The following SYN3 variants were observed in gnomAD, a reference collection of about 807,000 sequenced individuals.
SYN3 encodes synapsin III, also known as synapsin-3.
A neutral mutation model predicts 65.8 loss-of-function variants in SYN3; 35 were observed. The observed-to-expected ratio is 0.53, with a 90% CI of 0.41 to 0.70. The LOEUF (loss-of-function observed/expected upper bound fraction) is 0.70, where lower values mean the gene tolerates loss of function less well. Among genes scored for constraint, SYN3 ranks in the 30% least tolerant of loss-of-function variants. The pLI is 0.00. For synonymous variants in SYN3, 270 were observed against 292.9 expected (o/e 0.92, Z 0.80); for missense variants, 680 against 749.0 (o/e 0.91, Z 1.08).
intron 3 of SYN3, among the ~76,000 whole-genome samples, chr22:32,969,161 C>T (rs1342697106): frequency 6.6e-6 from 1 of 152,192 alleles, no homozygotes; most frequent in East Asian, 1.9e-4. Context: ...TTTCCCAGTG[C>T]AAGAGGATGG....
intron 6 of SYN3, among the ~76,000 whole-genome samples, chr22:32,618,772 G>A (rs1332929951): frequency 6.6e-6 from 1 of 152,204 alleles, no homozygotes. Context: ...CAAGGTCTCA[G>A]CAGGAAAGGA....
chr22:33,017,392 T>C (rs1462379082), intron 1 of SYN3, among the ~76,000 whole-genome samples: 1 of 152,240 alleles, frequency 6.6e-6, no homozygotes, highest in African/African-American at 2.4e-5. Flanking sequence ...ATACAAATTT[T>C]AGGATTTTTT....
chr22:32,573,412 C>G (rs1361672404), intron 7 of SYN3, among the ~76,000 whole-genome samples: 3 of 152,034 alleles, frequency 2.0e-5, no homozygotes, highest in Non-Finnish European at 2.9e-5. Flanking sequence ...CGGTAAAATA[C>G]TGGTGATTTT....
intron 6 of SYN3, among the ~76,000 whole-genome samples, chr22:32,840,281 A>G (rs1175902193): frequency 6.6e-6 from 1 of 152,164 alleles, no homozygotes; most frequent in Non-Finnish European, 1.5e-5. Context: ...TACTTAACGG[A>G]AAGAGTTAGT....
At chr22:33,017,765 T>C (rs2053494587) in intron 1 of SYN3, among the ~76,000 whole-genome samples, 1 of 151,936 alleles carries the variant, frequency 6.6e-6, no homozygotes, top group Non-Finnish European at 1.5e-5. Flanking sequence ...AACAGGTTTT[T>C]TTTTTTTTGT....
chr22:32,929,109 C>T (rs1052192296), intron 4 of SYN3, among the ~76,000 whole-genome samples: 8 of 152,110 alleles, frequency 5.3e-5, no homozygotes, highest in African/African-American at 1.9e-4. Context: ...ATGGCAAAAC[C>T]CTGTTTCTAC....
chr22:32,572,441 T>TC (rs759777243), intron 7 of SYN3, among the ~76,000 whole-genome samples: 4 of 108,346 alleles, frequency 3.7e-5, no homozygotes, highest in African/African-American at 7.6e-5. Flanking sequence ...CTTCCTTCCC[T>TC]CCTTCCTTTC....
At chr22:32,545,508 G>A (rs2058323972) in intron 7 of SYN3, among the ~76,000 whole-genome samples, 1 of 152,018 alleles carries the variant, frequency 6.6e-6, no homozygotes, top group Non-Finnish European at 1.5e-5. Flanking sequence ...TGTGCACTGG[G>A]GTCCCATTCT....
chr22:32,585,528 C>T (rs1184965004), intron 7 of SYN3, among the ~76,000 whole-genome samples: 2 of 152,182 alleles, frequency 1.3e-5, no homozygotes, highest in Non-Finnish European at 2.9e-5. Context: ...GTGGTTACTG[C>T]TGGCCCCAGG....
At chr22:32,940,404 T>C (rs1466260997) in intron 3 of SYN3, among the ~76,000 whole-genome samples, 1 of 152,106 alleles carries the variant, frequency 6.6e-6, no homozygotes, top group Non-Finnish European at 1.5e-5. Context: ...TTACAGTTAG[T>C]GTATCTATTG....
At chr22:32,988,150 T>C (rs1406548980) in intron 2 of SYN3, among the ~76,000 whole-genome samples, 1 of 150,928 alleles carries the variant, frequency 6.6e-6, no homozygotes, top group Non-Finnish European at 1.5e-5. Context: ...CTACTAAAAA[T>C]ACAAAAATTA....
At chr22:32,612,651 A>G (rs1246166440) in intron 6 of SYN3, among the ~76,000 whole-genome samples, 1 of 152,104 alleles carries the variant, frequency 6.6e-6, no homozygotes, top group East Asian at 1.9e-4. Context: ...AGACCAGCCA[A>G]GGCAACATAG....
chr22:32,862,906 T>C (rs1280365299), intron 6 of SYN3: 1 of 152,660 alleles, frequency 6.6e-6, no homozygotes, highest in Non-Finnish European at 1.5e-5. Flanking sequence ...TTCGTAGCAC[T>C]GTTTACAGTT....
At chr22:32,785,827 G>A (rs2145853786) in intron 6 of SYN3, among the ~76,000 whole-genome samples, 1 of 152,268 alleles carries the variant, frequency 6.6e-6, no homozygotes, top group African/African-American at 2.4e-5. Flanking sequence ...CTCAGAACAG[G>A]ACTGTGTCTG....
chr22:32,836,638 T>C (rs1466417499), intron 6 of SYN3, among the ~76,000 whole-genome samples: 1 of 152,228 alleles, frequency 6.6e-6, no homozygotes, highest in Non-Finnish European at 1.5e-5. Flanking sequence ...TACCTGTTCC[T>C]ACCTGAGTGC....
At chr22:32,927,016 G>A (rs1468564110) in intron 4 of SYN3, among the ~76,000 whole-genome samples, 1 of 152,124 alleles carries the variant, frequency 6.6e-6, no homozygotes, top group Non-Finnish European at 1.5e-5. Flanking sequence ...TGGTGGACTG[G>A]GGGACACAGG....
At chr22:33,030,279 C>T (rs566576124) in intron 1 of SYN3, among the ~76,000 whole-genome samples, 1 of 152,306 alleles carries the variant, frequency 6.6e-6, no homozygotes, top group South Asian at 2.1e-4. Context: ...AAATAAGTGC[C>T]CTCCTTCCTA....
At chr22:32,936,128 T>C (rs2050769123) in intron 3 of SYN3, among the ~76,000 whole-genome samples, 2 of 152,164 alleles carry the variant, frequency 1.3e-5, no homozygotes, top group South Asian at 4.1e-4. Flanking sequence ...ATTTAAAAAA[T>C]ATATGGAGGT....
intron 7 of SYN3, among the ~76,000 whole-genome samples, chr22:32,571,011 G>C (rs1336190755): frequency 3.3e-5 from 5 of 152,168 alleles, no homozygotes; most frequent in African/African-American, 1.2e-4. Flanking sequence ...TATTTAAGCA[G>C]AGCAAGAGGG....
Sources: allele counts gnomAD v4.1 joint callset (sites outside exome capture counted in the v4.1 genomes callset), GRCh38; gene constraint gnomAD v4.1.1; transcripts MANE v1.5; gene names NCBI Gene and HGNC (gene_info 2026-07-23, HGNC 2026-07-21).